Variants in SLC47A2 observed in about 807,000 individuals in gnomAD.
The protein encoded by SLC47A2 is solute carrier family 47 member 2, also known as multidrug and toxin extrusion protein 2.
Under a neutral mutation model 67.7 loss-of-function variants are expected in SLC47A2, and 52 were observed. That is an observed-to-expected ratio of 0.77 (90% CI 0.61 to 0.97). The LOEUF (loss-of-function observed/expected upper bound fraction) is 0.97, where lower values mean the gene tolerates loss of function less well. SLC47A2 is among the 50% of genes least tolerant of loss of function. The pLI is 0.00. For missense variants in SLC47A2, 676 were observed against 712.3 expected, an observed-to-expected ratio of 0.95 and a Z score of 0.58; for synonymous variants, 278 against 292.9, an observed-to-expected ratio of 0.95 and a Z score of 0.52.
At chr17:19,693,611 A>AAATAATAATAAT (rs61226037) in intron 13 of SLC47A2, among the ~76,000 whole-genome samples, 152 of 146,344 alleles carry the variant, frequency 1.0e-3, no homozygotes, top group Admixed American at 1.8e-3. Flanking sequence ...TCTCTACTAA[A>AAATAATAATAAT]AATAATAATA....
rs771632389 is a variant in SLC47A2, at chr17:19,707,801, G to T, written c.672C>A (p.Thr224=). The T allele has an allele frequency of 6.2e-7, 1 of 1,605,134 alleles. No individual in the cohort carries two copies. The highest frequency in any genetic ancestry group is 1.1e-5 in the South Asian group (1 of 89,254). Residue 224 remains threonine (T), a synonymous_variant, in exon 8 of 17, where the codon ACC becomes ACA. Coordinates refer to ENST00000433844, the MANE Select transcript of SLC47A2 (RefSeq NM_001099646.3). ...YANIISQFAQ[T]VFLLLYIVLK... Reference sequence around the variant, plus strand: ...GCACAATGTAGAGAAGGAGGAAGACGGTCTGTGCAAACTGGGAGATGATGT... The same window carrying T: ...GCACAATGTAGAGAAGGAGGAAGACTGTCTGTGCAAACTGGGAGATGATGT...
chr17:19,704,728 T>C lies in SLC47A2; in HGVS notation c.910-550A>G, dbSNP rs543534553. The C allele has an allele frequency of 5.1e-4, 784 of 1,539,768 alleles. 7 individuals carry two copies. The South Asian group carries it at 8.9e-3, about 18-fold the overall frequency. On this transcript the variant is annotated intron_variant, in intron 10 of 16. Transcript: ENST00000433844. ...AGTAGAGGGGAGGTGGGGGCTGTGGTGGAGGAGAGCCCATGGCCCTGCTGG... is the reference window on the plus strand; with the variant it reads ...AGTAGAGGGGAGGTGGGGGCTGTGGCGGAGGAGAGCCCATGGCCCTGCTGG...
At chr17:19,716,690 C>A, upstream of SLC47A2, 3 of 1,318,572 alleles carry the variant, frequency 2.3e-6, no homozygotes, top group Non-Finnish European at 2.0e-6. Context: ...GGAGGGGCTA[C>A]CATGGCAACT....
At chr17:19,695,515 C>CAAAAAAAAAAAAAAAAAAAAAAAAA (rs201305334) in intron 13 of SLC47A2, among the ~76,000 whole-genome samples, 3 of 91,404 alleles carry the variant, frequency 3.3e-5, no homozygotes, top group African/African-American at 7.7e-5. Flanking sequence ...AAAAAAACAG[C>CAAAAAAAAAAAAAAAAAAAAAAAAA]AAAAAAAAAA....
At chr17:19,693,614 T>G (rs372507404) in intron 13 of SLC47A2, among the ~76,000 whole-genome samples, 2 of 148,292 alleles carry the variant, frequency 1.3e-5, no homozygotes, top group African/African-American at 4.9e-5. Flanking sequence ...CTACTAAAAA[T>G]AATAATAATA....
intron 13 of SLC47A2, among the ~76,000 whole-genome samples, chr17:19,689,260 A>G (rs1169842042): frequency 6.6e-6 from 1 of 152,176 alleles, no homozygotes; most frequent in Non-Finnish European, 1.5e-5. Flanking sequence ...CCAAACAACT[A>G]TTTGAACTGA....
intron 13 of SLC47A2, among the ~76,000 whole-genome samples, chr17:19,693,112 G>A (rs140317140): frequency 0.069 from 10,327 of 149,168 alleles, 435 homozygotes; most frequent in African/African-American, 0.12. Context: ...GCCTGGCGAC[G>A]GAGTGAGACT....
At chr17:19,716,623 A>G (rs944271461), upstream of SLC47A2, 8 of 1,485,978 alleles carry the variant, frequency 5.4e-6, no homozygotes, top group Admixed American at 1.2e-4. Flanking sequence ...CCAGCGAGCC[A>G]CCCCCTGCCT....
intron 10 of SLC47A2, 116 bp downstream of exon 10, chr17:19,705,320 C>G (rs566564574): frequency 2.1e-5 from 24 of 1,165,362 alleles, no homozygotes; most frequent in Non-Finnish European, 2.6e-5. Flanking sequence ...ACGAGAGGCC[C>G]GGGGAGGGTC....
chr17:19,711,588 C>CAAAAAAAAAAAAAAAAAAAAAAA (rs35308426), intron 5 of SLC47A2, among the ~76,000 whole-genome samples: 2 of 33,002 alleles, frequency 6.1e-5, no homozygotes, highest in Non-Finnish European at 1.2e-4. Context: ...AACTCCGTCT[C>CAAAAAAAAAAAAAAAAAAAAAAA]AAAAAAAAAA....
chr17:19,684,111 CT>C (rs1404614346), intron 13 of SLC47A2, among the ~76,000 whole-genome samples: 11 of 152,118 alleles, frequency 7.2e-5, no homozygotes, highest in African/African-American at 2.4e-4. Context: ...TGGAGTCTTG[CT>C]ATGTTACCCT....
At chr17:19,703,658 T>C (rs777610715) in intron 11 of SLC47A2, among the ~76,000 whole-genome samples, 3 of 152,050 alleles carry the variant, frequency 2.0e-5, no homozygotes, top group Non-Finnish European at 2.9e-5. Flanking sequence ...CCAGAGTGGG[T>C]TGGCAGCTGC....
Position 19,680,046 on chromosome 17 carries a change from GAGAA to G in SLC47A2, c.1393-11_1393-8del, listed in dbSNP as rs780157632. On this transcript the variant is annotated splice_region_variant and splice_polypyrimidine_tract_variant and intron_variant, in intron 15 of 16. Coordinates refer to ENST00000433844, the MANE Select transcript of SLC47A2 (RefSeq NM_001099646.3). ...GGCCTGAATGTTTCTTAGCCTAAAGGAGAAAGAACTCAATTGGGTCAACCTGCCA... is the reference window on the plus strand; with the variant it reads ...GGCCTGAATGTTTCTTAGCCTAAAGGAGAACTCAATTGGGTCAACCTGCCA... 8 of 1,613,346 alleles carry G rather than the reference GAGAA, an allele frequency of 5.0e-6. No homozygotes were observed. Among genetic ancestry groups the G allele is most frequent in the Non-Finnish European group, 6.8e-6 (8 of 1,179,726 alleles).
intron 13 of SLC47A2, among the ~76,000 whole-genome samples, chr17:19,698,823 C>T (rs1170532413): frequency 6.9e-6 from 1 of 144,646 alleles, no homozygotes; most frequent in African/African-American, 2.5e-5. Flanking sequence ...TGCAACCAGC[C>T]ATGGATCAAA....
Position 19,716,390 on chromosome 17 carries a change from G to A in SLC47A2, c.123+43C>T, listed in dbSNP as rs139094160. 89 of 1,576,032 alleles carry A rather than the reference G, an allele frequency of 5.6e-5. No individual in the cohort carries two copies. In the East Asian group the frequency reaches 8.8e-4, roughly 16 times the overall value. ...CAAGGCAGACACCCTCAGCCTCTCA[G>A]CTTCCTCCACTCCCTACCTGCCCCC... On this transcript the variant is annotated intron_variant, in intron 1 of 16. Transcript: ENST00000433844.
intron 13 of SLC47A2, among the ~76,000 whole-genome samples, chr17:19,700,763 C>CAAAA (rs67005913): frequency 1.2e-5 from 1 of 86,462 alleles, no homozygotes; most frequent in African/African-American, 5.1e-5. Flanking sequence ...AGACCTGTCT[C>CAAAA]AAAAAAAAAA....
chr17:19,718,626 G>C (rs1456067346), upstream of SLC47A2: 1 of 152,184 alleles, frequency 6.6e-6, no homozygotes, highest in Non-Finnish European at 1.5e-5. Flanking sequence ...CATTTTCTTC[G>C]GGAAGACACT....
intron 13 of SLC47A2, among the ~76,000 whole-genome samples, chr17:19,700,234 A>C (rs1245370931): frequency 1.3e-5 from 2 of 152,222 alleles, no homozygotes; most frequent in Admixed American, 1.3e-4. Flanking sequence ...TTATATATGA[A>C]TTTTATCATA....
intron 3 of SLC47A2, among the ~76,000 whole-genome samples, chr17:19,714,277 C>G (rs556697956): frequency 6.6e-6 from 1 of 152,350 alleles, no homozygotes; most frequent in East Asian, 1.9e-4. Flanking sequence ...GCTAAAACCC[C>G]CAGGGAGAGG....
Sources: gnomAD v4.1 joint callset for allele counts (sites outside exome capture counted in the v4.1 genomes callset) on GRCh38, gnomAD v4.1.1 for gene constraint, MANE v1.5 for transcripts, NCBI Gene and HGNC (gene_info 2026-07-23, HGNC 2026-07-21) for gene names.